Variants in FOXN1 observed in about 807,000 individuals in gnomAD.
The protein encoded by FOXN1 is forkhead box N1, also known as forkhead box protein N1.
In FOXN1, 15 loss-of-function variants were observed where a neutral mutation model predicts 49.0. That is an observed-to-expected ratio of 0.31 (90% confidence interval 0.20 to 0.47). FOXN1 has a LOEUF of 0.47. FOXN1 is among the 20% of genes least tolerant of loss of function. The pLI, the probability that FOXN1 is intolerant of heterozygous loss-of-function variation, is 1.00. For synonymous variants in FOXN1, 356 were observed against 369.0 expected, an observed-to-expected ratio of 0.96 and a Z score of 0.40; for missense variants, 800 against 842.8, an observed-to-expected ratio of 0.95 and a Z score of 0.63.
In FOXN1 at chr17:28,523,842, C is replaced by G. The variant is rs1954953303; in HGVS notation, c.-14-114C>G. ...TCTCTCTCTCTCTCTCATCAGATGGCTGACTGGAGGCAGGGTCCCAGCCCA... is the reference window on the plus strand; with the variant it reads ...TCTCTCTCTCTCTCTCATCAGATGGGTGACTGGAGGCAGGGTCCCAGCCCA... On this transcript the variant is annotated intron_variant, in intron 1 of 8. Coordinates refer to ENST00000579795, the MANE Select transcript of FOXN1 (RefSeq NM_001369369.1). 1.2e-5 allele frequency: 10 copies of G among 827,382 alleles called. 1 individual carries two copies. The South Asian group carries it at 1.2e-4, about 10-fold the overall frequency. The allele number at this position is 827,382 out of a possible 1,614,324, so 51.3% of individuals were successfully genotyped here.
intron 2 of FOXN1, 40 bp downstream of exon 2, chr17:28,524,132 C>T (rs1220888856): frequency 1.5e-5 from 23 of 1,546,216 alleles, no homozygotes; most frequent in Non-Finnish European, 1.7e-5. Context: ...AGGCCAAGGC[C>T]TGCGGCTGCC....
At chr17:28,512,975 G>A (rs1481858320) in intron 1 of FOXN1, among the ~76,000 whole-genome samples, 1 of 152,210 alleles carries the variant, frequency 6.6e-6, no homozygotes, top group Non-Finnish European at 1.5e-5. Flanking sequence ...TAGTAGGTAT[G>A]TCTCAGAAAG....
intron 1 of FOXN1, among the ~76,000 whole-genome samples, chr17:28,521,995 G>A (rs540543605): frequency 4.5e-4 from 68 of 152,164 alleles, no homozygotes; most frequent in Non-Finnish European, 8.4e-4. Context: ...TTTTCTTGAT[G>A]CCTGGCCTCC....
At chr17:28,522,516 A>G (rs1285455098) in intron 1 of FOXN1, among the ~76,000 whole-genome samples, 1 of 152,262 alleles carries the variant, frequency 6.6e-6, no homozygotes, top group East Asian at 1.9e-4. Flanking sequence ...GCATGGTGGC[A>G]TGTGCCTGTA....
chr17:28,514,676 G>T (rs1039996508), intron 1 of FOXN1, among the ~76,000 whole-genome samples: 1 of 152,074 alleles, frequency 6.6e-6, no homozygotes, highest in Non-Finnish European at 1.5e-5. Flanking sequence ...ACATGCTGCC[G>T]CAGCCAGCAA....
In FOXN1 at chr17:28,524,569, C is replaced by T; in HGVS notation, c.190C>T (p.Pro64Ser). The change falls in exon 3 of 9, where the codon CCC becomes TCC. Residue 64 changes from proline to serine, a missense_variant. Transcript: ENST00000579795. ...CCCTCCAGAGAGGACACCCTCACTG[C>T]CCCCACACAGCCCCCGCATTGCGTC... ...DGPPERTPSL[P>S]PHSPRIASPG... 5 of 1,613,632 alleles carry T rather than the reference C, an allele frequency of 3.1e-6. No homozygotes were observed. The highest frequency in any genetic ancestry group is 4.2e-6 in the Non-Finnish European group (5 of 1,179,960).
intron 8 of FOXN1, among the ~76,000 whole-genome samples, 175 bp from the exon 9 acceptor site, chr17:28,536,942 A>G (rs937585607): frequency 2.0e-5 from 3 of 151,950 alleles, no homozygotes; most frequent in Non-Finnish European, 2.9e-5. Context: ...GAGGAATCTG[A>G]GGCTGAGAGG....
intron 4 of FOXN1, among the ~76,000 whole-genome samples, chr17:28,528,870 A>T (rs1237604243): frequency 6.6e-6 from 1 of 152,202 alleles, no homozygotes; most frequent in Non-Finnish European, 1.5e-5. Flanking sequence ...GAGAGGAAGG[A>T]GCTGGAGGAA....
chr17:28,527,072 C>T (rs2069786586), intron 3 of FOXN1, among the ~76,000 whole-genome samples, 179 bp from the exon 4 acceptor site: 1 of 152,206 alleles, frequency 6.6e-6, no homozygotes, highest in Admixed American at 6.5e-5. Context: ...CCCGGCTCTA[C>T]CACTAAATTG....
At chr17:28,523,884 G>A (rs916956444) in intron 1 of FOXN1, 72 bp from the exon 2 acceptor site, 36 of 1,435,538 alleles carry the variant, frequency 2.5e-5, no homozygotes, top group Non-Finnish European at 3.2e-5. Context: ...GGGTTGGGGT[G>A]GAGGTGGCGA....
intron 1 of FOXN1, among the ~76,000 whole-genome samples, chr17:28,513,780 T>C (rs1474866869): frequency 6.6e-6 from 1 of 152,196 alleles, no homozygotes; most frequent in African/African-American, 2.4e-5. Context: ...CAGAGCCCAC[T>C]GTGAGTGCTT....
chr17:28,516,567 GT>G (rs2069507706), intron 1 of FOXN1, among the ~76,000 whole-genome samples: 1 of 138,602 alleles, frequency 7.2e-6, no homozygotes. Context: ...CCTCCACAGG[GT>G]ACACACCTCC....
At chr17:28,512,727 C>T (rs970964313) in intron 1 of FOXN1, among the ~76,000 whole-genome samples, 1 of 152,194 alleles carries the variant, frequency 6.6e-6, no homozygotes, top group Non-Finnish European at 1.5e-5. Context: ...GCTTGCTGAC[C>T]TTGCTTCTGG....
chr17:28,519,388 A>G (rs1036201640), intron 1 of FOXN1, among the ~76,000 whole-genome samples: 1 of 151,458 alleles, frequency 6.6e-6, no homozygotes, highest in Admixed American at 6.6e-5. Context: ...GAACTGCGGC[A>G]AAGGGACCCC....
chr17:28,536,605 G>A (rs1441475742), intron 8 of FOXN1, among the ~76,000 whole-genome samples: 2 of 152,198 alleles, frequency 1.3e-5, no homozygotes, highest in Non-Finnish European at 2.9e-5. Flanking sequence ...GGGTCCACAG[G>A]TGGCAGCACT....
chr17:28,524,834 C>T lies in FOXN1; in HGVS notation c.455C>T (p.Pro152Leu). Residue 152 changes from proline (P) to leucine (L), a missense_variant, in exon 3 of 9, where the codon CCA becomes CTA. Physicochemically the swap from Pro to Leu is moderately conservative, Grantham distance 98. This residue lies in a region of FOXN1 where 383 missense variants were observed against 357.9 expected (regional missense o/e 1.07). Transcript: ENST00000579795. ...LALKGHSFKT[P>L]GPLEAFEEIP... ...CTCAAAGGACACTCCTTTAAGACCC[C>T]AGGGCCGCTGGAGGCCTTCGAGGAG... 1 of 1,613,820 alleles carries T rather than the reference C, an allele frequency of 6.2e-7. No individual in the cohort carries two copies. Among genetic ancestry groups the T allele is most frequent in the Non-Finnish European group, 8.5e-7 (1 of 1,180,020 alleles).
At chr17:28,535,673 G>A (rs1251229462) in intron 8 of FOXN1, among the ~76,000 whole-genome samples, 1 of 152,166 alleles carries the variant, frequency 6.6e-6, no homozygotes. Flanking sequence ...AACCCGGGAG[G>A]CGGAGGTTGC....
chr17:28,535,125 C>T lies in FOXN1; in HGVS notation c.1554C>T (p.Thr518=), dbSNP rs146694795. The T allele has an allele frequency of 6.2e-5, 100 of 1,609,312 alleles. No individual in the cohort carries two copies. Among genetic ancestry groups the T allele is most frequent in the Non-Finnish European group, 8.3e-5 (98 of 1,176,836 alleles). Residue 518 remains threonine (T), a synonymous_variant, in exon 8 of 9, where the codon ACC becomes ACT. Transcript: ENST00000579795. ...EPSPARTMHD[T]LLPDGDLGTD... is the part of the protein sequence containing the mutation. ...CCCCAGCCAGGACTATGCACGACAC[C>T]CTGCTGCCAGATGGAGACCTTGGCA...
At chr17:28,519,876 G>A (rs1175122842) in intron 1 of FOXN1, among the ~76,000 whole-genome samples, 3 of 152,120 alleles carry the variant, frequency 2.0e-5, no homozygotes, top group Non-Finnish European at 2.9e-5. Flanking sequence ...CAAGGACCTG[G>A]AGGTAGAAGG....
Sources: gnomAD v4.1 joint callset for allele counts (sites outside exome capture counted in the v4.1 genomes callset) on GRCh38, gnomAD v4.1.1 for gene constraint, gnomAD v4.1.1 regional missense constraint, MANE v1.5 for transcripts, NCBI Gene and HGNC (gene_info 2026-07-23, HGNC 2026-07-21) for gene names.